SLC13A1: variants seen among roughly 807,000 people sequenced by gnomAD.
SLC13A1 encodes the protein solute carrier family 13 member 1.
SLC13A1 carries 65 observed loss-of-function variants against 70.0 expected under a neutral mutation model. That is an observed-to-expected ratio of 0.93 (90% CI 0.76 to 1.14). The LOEUF is 1.14. Ranked by LOEUF, SLC13A1 falls within the 50% of genes most tolerant of loss-of-function variation. The probability of loss-of-function intolerance (pLI) is 0.00; values close to 1 mark genes in which losing one functional copy is unlikely to be tolerated. For synonymous variants in SLC13A1, 275 were observed against 250.5 expected, an observed-to-expected ratio of 1.10 and a Z score of -0.92; for missense variants, 726 against 717.8, an observed-to-expected ratio of 1.01 and a Z score of -0.13.
chr7:123,147,858 A>G (rs1054464028), intron 6 of SLC13A1, among the ~76,000 whole-genome samples: 3 of 151,286 alleles, frequency 2.0e-5, no homozygotes, highest in Non-Finnish European at 2.9e-5. Context: ...CTCTTACCCA[A>G]CTCTTCCCCC....
At chr7:123,195,530 A>T (rs1796149886) in intron 1 of SLC13A1, among the ~76,000 whole-genome samples, 1 of 151,616 alleles carries the variant, frequency 6.6e-6, no homozygotes, top group South Asian at 2.1e-4. Context: ...CTTCTAGGGG[A>T]TACTTCACTT....
At chr7:123,132,014 C>T (rs534961035) in intron 8 of SLC13A1, among the ~76,000 whole-genome samples, 9 of 152,210 alleles carry the variant, frequency 5.9e-5, no homozygotes, top group Non-Finnish European at 7.4e-5. Context: ...CTTGGGATTG[C>T]CATCTCCTGT....
chr7:123,180,695 T>C (rs1795608273), intron 2 of SLC13A1, among the ~76,000 whole-genome samples: 1 of 152,072 alleles, frequency 6.6e-6, no homozygotes. Context: ...AATTTCCCTG[T>C]TTTTGAGAGG....
At chr7:123,173,613 G>A (rs541598090) in intron 2 of SLC13A1, among the ~76,000 whole-genome samples, 5 of 152,010 alleles carry the variant, frequency 3.3e-5, no homozygotes, top group South Asian at 4.2e-4. Context: ...TGGTTTTTTC[G>A]TAGTATATAC....
intron 11 of SLC13A1, among the ~76,000 whole-genome samples, chr7:123,124,620 A>G (rs1276953961): frequency 6.6e-6 from 1 of 152,128 alleles, no homozygotes; most frequent in Non-Finnish European, 1.5e-5. Flanking sequence ...TAGGAATCTG[A>G]CTACTCAAAA....
At chr7:123,156,675 T>C (rs1262995414) in intron 6 of SLC13A1, among the ~76,000 whole-genome samples, 15 of 152,076 alleles carry the variant, frequency 9.9e-5, no homozygotes, top group Non-Finnish European at 1.9e-4. Context: ...GTAAAGAAAT[T>C]TTTTTTATAA....
At chr7:123,191,902 G>A (rs1321813826) in intron 1 of SLC13A1, among the ~76,000 whole-genome samples, 3 of 152,046 alleles carry the variant, frequency 2.0e-5, no homozygotes, top group Non-Finnish European at 2.9e-5. Context: ...TAGAGTATAC[G>A]GTCAGTAACA....
At chr7:123,133,593 A>C (rs1793842836) in intron 8 of SLC13A1, among the ~76,000 whole-genome samples, 1 of 152,110 alleles carries the variant, frequency 6.6e-6, no homozygotes, top group Non-Finnish European at 1.5e-5. Flanking sequence ...GCTGGAGTGC[A>C]ATGGCGAGAT....
intron 6 of SLC13A1, among the ~76,000 whole-genome samples, chr7:123,153,223 C>G (rs1365823114): frequency 6.6e-6 from 1 of 151,928 alleles, no homozygotes; most frequent in Non-Finnish European, 1.5e-5. Flanking sequence ...ATGAATTAAC[C>G]ACACATTTTT....
chr7:123,132,248 C>T (rs1052935211), intron 8 of SLC13A1, among the ~76,000 whole-genome samples: 1 of 152,138 alleles, frequency 6.6e-6, no homozygotes, highest in Non-Finnish European at 1.5e-5. Flanking sequence ...CTAATAAAAC[C>T]ATGGCAGTTC....
At position 123,154,562 on chromosome 7, in the gene SLC13A1, AT is replaced by A. The variant is rs1267492799; in HGVS notation, c.661-7253del. On this transcript the variant is annotated intron_variant, in intron 6 of 14. Transcript: ENST00000194130. The stretch of plus-strand genomic sequence containing the variant: ...ATGTTGCTTATAGTACAGACTTCAC[AT>A]TTTCAATATGTTGCCTAGAGCTCTA... Among the ~76,000 whole-genome samples the A allele has an allele frequency of 2.6e-5, 4 of 152,080 alleles. No individual in the cohort carries two copies. In the East Asian group the frequency reaches 7.7e-4, roughly 29 times the overall value.
At chr7:123,124,269 T>C (rs1793484202) in intron 11 of SLC13A1, among the ~76,000 whole-genome samples, 1 of 152,136 alleles carries the variant, frequency 6.6e-6, no homozygotes, top group Non-Finnish European at 1.5e-5. Flanking sequence ...CATGGATTCC[T>C]CAGTACTTGC....
intron 6 of SLC13A1, among the ~76,000 whole-genome samples, chr7:123,152,908 T>A (rs1337028733): frequency 6.6e-6 from 1 of 152,052 alleles, no homozygotes; most frequent in Non-Finnish European, 1.5e-5. Context: ...CAATTGAAAT[T>A]TGAGGCTTAA....
At chr7:123,160,662 A>C (rs1386785120) in intron 6 of SLC13A1, among the ~76,000 whole-genome samples, 1 of 152,204 alleles carries the variant, frequency 6.6e-6, no homozygotes, top group Non-Finnish European at 1.5e-5. Flanking sequence ...AGCACAATGA[A>C]AAATATTTAT....
At chr7:123,190,759 C>T (rs1795965676) in intron 1 of SLC13A1, 2 of 395,870 alleles carry the variant, frequency 5.1e-6, no homozygotes, top group Non-Finnish European at 1.0e-5. Flanking sequence ...GAGAAGTTGC[C>T]CCTGGGGAAG....
At chr7:123,134,550 G>A in intron 7 of SLC13A1, 21 bp from the exon 8 acceptor site, 2 of 1,609,386 alleles carry the variant, frequency 1.2e-6, no homozygotes, top group African/African-American at 1.3e-5. Context: ...ACATGGAGAC[G>A]TGTTCAGGGA....
intron 12 of SLC13A1, among the ~76,000 whole-genome samples, chr7:123,120,485 G>A (rs1470599469): frequency 2.0e-5 from 3 of 151,964 alleles, no homozygotes; most frequent in South Asian, 2.1e-4. Context: ...AGAAAAACTG[G>A]CTATACTCAG....
rs1437137754 is a variant in SLC13A1, at chr7:123,123,248, A to C, written c.1241-13T>G. The C allele has an allele frequency of 1.3e-6, 2 of 1,510,226 alleles. No individual in the cohort carries two copies. The highest frequency in any genetic ancestry group is 2.7e-5 in the African/African-American group (2 of 72,842). The allele number at this position is 1,510,226 out of a possible 1,614,324, so 93.6% of individuals were successfully genotyped here. On this transcript the variant is annotated splice_polypyrimidine_tract_variant and intron_variant, in intron 11 of 14. Transcript: ENST00000194130. ...TAATCAAAAGCAACTGCAAAACAAA[A>C]ATCCTACAGTTACACATTGCTTAAA...
At chr7:123,127,789 G>C (rs561512060) in intron 10 of SLC13A1, among the ~76,000 whole-genome samples, 1 of 150,794 alleles carries the variant, frequency 6.6e-6, no homozygotes, top group Non-Finnish European at 1.5e-5. Context: ...ATTGTATGTG[G>C]GCAAAATACA....
Sources: allele counts gnomAD v4.1 joint callset (sites outside exome capture counted in the v4.1 genomes callset), GRCh38; gene constraint gnomAD v4.1.1; transcripts MANE v1.5; gene names NCBI Gene and HGNC (gene_info 2026-07-23, HGNC 2026-07-21).